The following ACOT7 variants were observed in gnomAD, a reference collection of about 807,000 sequenced individuals.
ACOT7 encodes the protein acyl-CoA thioesterase 7, also known as cytosolic acyl coenzyme A thioester hydrolase.
A neutral mutation model predicts 40.2 loss-of-function variants in ACOT7; 12 were observed. The observed-to-expected ratio is 0.30, with a 90% CI of 0.19 to 0.48. ACOT7 has a LOEUF of 0.48. ACOT7 is among the 20% of genes least tolerant of loss of function. The pLI is 0.99. For synonymous variants in ACOT7, 228 were observed against 219.5 expected (o/e 1.04, Z -0.34); for missense variants, 395 against 530.8 (o/e 0.74, Z 2.51).
intron 1 of ACOT7, among the ~76,000 whole-genome samples, chr1:6,391,156 C>T (rs993032180): frequency 6.6e-6 from 1 of 151,822 alleles, no homozygotes; most frequent in South Asian, 2.1e-4. Context: ...ATTAGCTGGG[C>T]GTGGTGGCGC....
intron 1 of ACOT7, among the ~76,000 whole-genome samples, chr1:6,357,067 G>A (rs1486033843): frequency 6.6e-6 from 1 of 151,750 alleles, no homozygotes; most frequent in Non-Finnish European, 1.5e-5. Context: ...GAGAAACCCT[G>A]TCTCTACTAA....
chr1:6,383,317 A>G (rs1242377173), intron 1 of ACOT7, among the ~76,000 whole-genome samples: 1 of 148,094 alleles, frequency 6.8e-6, no homozygotes, highest in African/African-American at 2.5e-5. Context: ...CCTCCCAAGT[A>G]GCTGAGACTA....
intron 1 of ACOT7, among the ~76,000 whole-genome samples, chr1:6,354,627 T>TCCCCATGGCCTCTGCACTGGCCTCTCACC (rs1480956168): frequency 1.5e-5 from 2 of 135,602 alleles, no homozygotes; most frequent in Admixed American, 7.4e-5. Flanking sequence ...GGCCTCTCAC[T>TCCCCATGGCCTCTGCACTGGCCTCTCACC]CCCCATGGCC....
chr1:6,354,023 C>G (rs964536670), intron 1 of ACOT7, among the ~76,000 whole-genome samples: 1 of 152,216 alleles, frequency 6.6e-6, no homozygotes, highest in Non-Finnish European at 1.5e-5. Context: ...CCCACAGCCC[C>G]ACCCTTTTTC....
chr1:6,363,038 G>A (rs1278171232), intron 1 of ACOT7, among the ~76,000 whole-genome samples: 2 of 152,078 alleles, frequency 1.3e-5, no homozygotes, highest in South Asian at 2.1e-4. Flanking sequence ...GATCATAGAC[G>A]TGATTATATA....
intron 8 of ACOT7, among the ~76,000 whole-genome samples, chr1:6,269,457 A>G (rs1571255040): frequency 6.6e-6 from 1 of 152,020 alleles, no homozygotes. Flanking sequence ...AGCTGCTCCC[A>G]CCCCAGCGGC....
intron 1 of ACOT7, among the ~76,000 whole-genome samples, chr1:6,378,334 C>A (rs1465639072): frequency 6.6e-6 from 1 of 151,768 alleles, no homozygotes; most frequent in Non-Finnish European, 1.5e-5. Flanking sequence ...ATGGTCCAGT[C>A]CCCCAGTGAT....
At position 6,358,691 on chromosome 1, in the gene ACOT7, G is replaced by C; in HGVS notation, c.144-8825C>G. The C allele has an allele frequency of 1.1e-6, 1 of 877,126 alleles. No homozygotes were observed. The highest frequency in any genetic ancestry group is 1.8e-6 in the Non-Finnish European group (1 of 554,692). 54.3% of individuals were successfully genotyped at this position (877,126 alleles called of 1,614,324 possible). On this transcript the variant is annotated intron_variant, in intron 1 of 8. Transcript: ENST00000361521. The surrounding 1 kb of genome is among the most constrained non-coding windows in gnomAD (Gnocchi z 4.1). ...AGGTGGGTGCCCTACTGCCCTTCCT[G>C]GCTGCATGACACCAGCCAGCCTGCT...
chr1:6,294,167 T>G lies in ACOT7; in HGVS notation c.829+697A>C, dbSNP rs1304095721. ...TGTGAGGCAGTGCTGCTGCAGGGGGTGCACGGCCTCATCTCAGCAGACGTC... is the reference window on the plus strand; with the variant it reads ...TGTGAGGCAGTGCTGCTGCAGGGGGGGCACGGCCTCATCTCAGCAGACGTC... On this transcript the variant is annotated intron_variant, in intron 7 of 8. Coordinates refer to ENST00000361521, the MANE Select transcript of ACOT7 (RefSeq NM_007274.4). The surrounding 1 kb of genome is among the most constrained non-coding windows in gnomAD (Gnocchi z 4.6). Among the ~76,000 whole-genome samples the G allele has an allele frequency of 6.6e-6, 1 of 152,172 alleles. No homozygotes were observed. Among genetic ancestry groups the G allele is most frequent in the Non-Finnish European group, 1.5e-5 (1 of 68,018 alleles).
intron 1 of ACOT7, among the ~76,000 whole-genome samples, chr1:6,368,356 C>T (rs1222383456): frequency 6.6e-6 from 1 of 152,182 alleles, no homozygotes; most frequent in African/African-American, 2.4e-5. Flanking sequence ...GCGGTGGCTG[C>T]ACCGCAGTCC....
At chr1:6,385,193 C>T (rs1272274943) in intron 1 of ACOT7, among the ~76,000 whole-genome samples, 1 of 151,890 alleles carries the variant, frequency 6.6e-6, no homozygotes, top group African/African-American at 2.4e-5. Context: ...AGCACAGCTG[C>T]TGGCTTGCAG....
At chr1:6,377,467 G>A (rs1317856504) in intron 1 of ACOT7, among the ~76,000 whole-genome samples, 1 of 152,180 alleles carries the variant, frequency 6.6e-6, no homozygotes, top group African/African-American at 2.4e-5. Context: ...GGATATGGGT[G>A]AATTAAGAAT....
At chr1:6,361,586 G>A (rs1457495095) in intron 1 of ACOT7, among the ~76,000 whole-genome samples, 1 of 152,108 alleles carries the variant, frequency 6.6e-6, no homozygotes, top group Non-Finnish European at 1.5e-5. Flanking sequence ...ATCATCTGAG[G>A]TGAGGAGTTT....
intron 8 of ACOT7, 27 bp downstream of exon 8, chr1:6,281,075 G>A: frequency 6.2e-7 from 1 of 1,604,850 alleles, no homozygotes. Flanking sequence ...GCAGGGAGGG[G>A]CCGCCGTTCC....
chr1:6,279,121 G>A (rs929491239), intron 8 of ACOT7, among the ~76,000 whole-genome samples: 3 of 152,218 alleles, frequency 2.0e-5, no homozygotes, highest in African/African-American at 7.2e-5. Context: ...CTTCATGGCC[G>A]AGAAAAGCAG....
chr1:6,369,578 T>C (rs1642088919), intron 1 of ACOT7, among the ~76,000 whole-genome samples: 1 of 149,712 alleles, frequency 6.7e-6, no homozygotes, highest in Non-Finnish European at 1.5e-5. Context: ...AGCTAATTTC[T>C]TTTTTTTCTT....
intron 1 of ACOT7, among the ~76,000 whole-genome samples, chr1:6,353,851 A>C (rs1641664850): frequency 6.6e-6 from 1 of 152,018 alleles, no homozygotes; most frequent in South Asian, 2.1e-4. Flanking sequence ...TGACCCCAGA[A>C]ACTTCAAGGA....
At chr1:6,365,700 G>A (rs960865282) in intron 1 of ACOT7, among the ~76,000 whole-genome samples, 20 of 150,866 alleles carry the variant, frequency 1.3e-4, no homozygotes, top group Non-Finnish European at 2.5e-4. Flanking sequence ...CCCGGGAGGC[G>A]GAGCTTGCAG....
chr1:6,353,822 G>A (rs1641663940), intron 1 of ACOT7, among the ~76,000 whole-genome samples: 1 of 151,744 alleles, frequency 6.6e-6, no homozygotes, highest in Non-Finnish European at 1.5e-5. Context: ...CGCTAATCCT[G>A]CACTTCTTCC....
Sources: allele counts gnomAD v4.1 joint callset (sites outside exome capture counted in the v4.1 genomes callset), GRCh38; gene constraint gnomAD v4.1.1; non-coding constraint Gnocchi (gnomAD v3.1); transcripts MANE v1.5; gene names NCBI Gene and HGNC (gene_info 2026-07-23, HGNC 2026-07-21).